Variants in ALG1 observed in about 807,000 individuals in gnomAD.
ALG1 encodes chitobiosyldiphosphodolichol beta-mannosyltransferase.
A neutral mutation model predicts 55.1 loss-of-function variants in ALG1; 58 were observed. That is an observed-to-expected ratio of 1.05 (90% CI 0.85 to 1.31). The LOEUF (loss-of-function observed/expected upper bound fraction) is 1.31. ALG1 is among the 50% of genes most tolerant of loss of function. The pLI is 0.00. For missense variants in ALG1, 761 were observed against 598.6 expected, an observed-to-expected ratio of 1.27 and a Z score of -2.83; for synonymous variants, 309 against 247.0, an observed-to-expected ratio of 1.25 and a Z score of -2.35.
At chr16:5,082,793 T>C in intron 11 of ALG1, 120 bp downstream of exon 11, 1 of 1,150,336 alleles carries the variant, frequency 8.7e-7, no homozygotes, top group Non-Finnish European at 1.3e-6. Flanking sequence ...CGGCACACAC[T>C]GGAGGCCATG....
chr16:5,087,017 A>G lies in ALG1; in HGVS notation c.*2136A>G, dbSNP rs945729857. On this transcript the variant is annotated 3_prime_UTR_variant, in exon 13 of 13. Transcript: ENST00000262374. ...TCACAGTTTTTTGTTACGAGTGGAA[A>G]ATGCGTATTTATAAGAATGAAGTAG... 4.6e-5 allele frequency: 7 copies of G among 152,160 alleles called. No individual in the cohort carries two copies. The highest frequency in any genetic ancestry group is 1.7e-4 in the African/African-American group (7 of 41,422). The allele number at this position is 152,160 out of a possible 1,614,324, so 9.4% of individuals were successfully genotyped here.
chr16:5,084,091 C>T (rs911155397), intron 12 of ALG1, among the ~76,000 whole-genome samples: 2 of 152,160 alleles, frequency 1.3e-5, no homozygotes, highest in African/African-American at 2.4e-5. Context: ...CTGGGACCAG[C>T]CTTGAAAGAT....
intron 3 of ALG1, 148 bp from the exon 4 acceptor site, chr16:5,075,240 G>T: frequency 2.3e-6 from 2 of 875,982 alleles, no homozygotes; most frequent in Non-Finnish European, 3.8e-6. Flanking sequence ...CATCTATTTT[G>T]GTGGTGGAGA....
At chr16:5,079,517 T>A (rs1956979448) in intron 8 of ALG1, among the ~76,000 whole-genome samples, 2 of 152,152 alleles carry the variant, frequency 1.3e-5, no homozygotes. Flanking sequence ...GGGCGAAACC[T>A]GTCTCTACTA....
At position 5,087,099 on chromosome 16, in the gene ALG1, T is replaced by G. The variant is rs188982737; in HGVS notation, c.*2218T>G. On this transcript the variant is annotated 3_prime_UTR_variant, in exon 13 of 13. Transcript: ENST00000262374. ...TCCTGCCATCCAAGGATGGCACCTG[T>G]TAATGTGTATATCAGGGATGTCCAA... is the stretch of plus-strand genomic sequence containing the variant. 2 of 152,324 alleles carry G rather than the reference T, an allele frequency of 1.3e-5. No homozygotes were observed. The highest frequency in any genetic ancestry group is 4.8e-5 in the African/African-American group (2 of 41,560). The allele number at this position is 152,324 out of a possible 1,614,324, so 9.4% of individuals were successfully genotyped here. A position where few individuals can be genotyped will look rare whatever the true frequency, so the allele number is the denominator to read the frequency against.
At chr16:5,079,580 T>C (rs1432182856) in intron 8 of ALG1, among the ~76,000 whole-genome samples, 168 bp from the exon 9 acceptor site, 2 of 151,996 alleles carry the variant, frequency 1.3e-5, no homozygotes, top group South Asian at 2.1e-4. Flanking sequence ...TCCCAGCTAC[T>C]TGGGAGGCTG....
At chr16:5,074,078 C>T (rs2160034) in intron 3 of ALG1, among the ~76,000 whole-genome samples, 142,672 of 151,824 alleles carry the variant, frequency 0.94, 67,421 homozygotes, top group East Asian at 1. Context: ...TCTTTCTTTT[C>T]TAGCTGAAGG....
intron 4 of ALG1, among the ~76,000 whole-genome samples, chr16:5,076,838 A>G (rs1041993045): frequency 3.8e-5 from 5 of 132,744 alleles, no homozygotes; most frequent in Non-Finnish European, 7.6e-5. Flanking sequence ...TCTATGTCCC[A>G]GACTGGAGTG....
chr16:5,073,688 A>G (rs1022946076), intron 3 of ALG1, among the ~76,000 whole-genome samples: 1 of 152,256 alleles, frequency 6.6e-6, no homozygotes, highest in Non-Finnish European at 1.5e-5. Flanking sequence ...TAGTATACAC[A>G]CGCACGCATA....
At chr16:5,080,415 C>G (rs1435774249) in intron 9 of ALG1, among the ~76,000 whole-genome samples, 4 of 152,120 alleles carry the variant, frequency 2.6e-5, no homozygotes, top group African/African-American at 9.7e-5. Context: ...CGGAAGAGCC[C>G]CTGTCCCACA....
chr16:5,074,467 G>A (rs1192500445), intron 3 of ALG1, among the ~76,000 whole-genome samples: 2 of 152,114 alleles, frequency 1.3e-5, no homozygotes, highest in African/African-American at 4.8e-5. Flanking sequence ...CTTTTAATAG[G>A]CAGCCTTGAA....
intron 4 of ALG1, among the ~76,000 whole-genome samples, chr16:5,076,252 C>G (rs138839778): frequency 6.6e-6 from 1 of 152,374 alleles, no homozygotes; most frequent in African/African-American, 2.4e-5. Flanking sequence ...CGTGTACTTC[C>G]GGCCTTGGGC....
In ALG1 at chr16:5,085,782, C is replaced by T. The variant is rs762304211; in HGVS notation, c.*901C>T. On this transcript the variant is annotated 3_prime_UTR_variant, in exon 13 of 13. Transcript: ENST00000262374. Reference sequence around the variant, plus strand: ...AGGATGGCGGTGTTTGGGGACAGGACATGAGGGTATTGTGTGGGGCTGCTA... The same window carrying T: ...AGGATGGCGGTGTTTGGGGACAGGATATGAGGGTATTGTGTGGGGCTGCTA... 12 of 1,403,066 alleles carry T rather than the reference C, an allele frequency of 8.6e-6. No individual in the cohort carries two copies. Among genetic ancestry groups the T allele is most frequent in the East Asian group, 2.3e-5 (1 of 43,862 alleles). 86.9% of individuals were successfully genotyped at this position (1,403,066 alleles called of 1,614,324 possible). A position where few individuals can be genotyped will look rare whatever the true frequency, so the allele number is the denominator to read the frequency against.
In ALG1 at chr16:5,086,229, G is replaced by A. The variant is rs558941209; in HGVS notation, c.*1348G>A. 6.6e-6 allele frequency among the ~76,000 whole-genome samples: 1 copy of A among 152,014 alleles called. No individual in the cohort carries two copies. The highest frequency in any genetic ancestry group is 2.0e-4 in the East Asian group (1 of 5,096). On this transcript the variant is annotated 3_prime_UTR_variant, in exon 13 of 13. Coordinates refer to ENST00000262374, the MANE Select transcript of ALG1 (RefSeq NM_019109.5). ...GAGTGCCTGTAATCCCAGCTACTTG[G>A]GAGGCTGAGGTGGGAGAATTGCTTG... is the stretch of plus-strand genomic sequence containing the variant.
At chr16:5,083,224 C>A (rs937829557) in intron 11 of ALG1, among the ~76,000 whole-genome samples, 2 of 152,126 alleles carry the variant, frequency 1.3e-5, no homozygotes, top group African/African-American at 2.4e-5. Context: ...CCCTTGGCCC[C>A]TGCTCAGGAG....
At chr16:5,076,792 CTTTTTTTTT>C in intron 4 of ALG1, among the ~76,000 whole-genome samples, 1 of 108,854 alleles carries the variant, frequency 9.2e-6, no homozygotes, top group Non-Finnish European at 1.9e-5. Context: ...GTATTTCTTC[CTTTTTTTTT>C]TTTTTTTTTT....
At chr16:5,078,342 C>T in intron 6 of ALG1, 1 of 600,478 alleles carries the variant, frequency 1.7e-6, no homozygotes, top group Non-Finnish European at 3.1e-6. Flanking sequence ...CTGCCAGTGG[C>T]TTCCCAGGCC....
Position 5,073,244 on chromosome 16 carries a change from T to C in ALG1, c.378T>C (p.Tyr126=). 6.2e-7 allele frequency: 1 copy of C among 1,614,130 alleles called. No individual in the cohort carries two copies. The highest frequency in any genetic ancestry group is 2.2e-5 in the East Asian group (1 of 44,890). The change falls in exon 3 of 13, where the codon TAT becomes TAC. Residue 126 remains tyrosine (Y), a synonymous_variant. Transcript: ENST00000262374. ...TGATGTGGAGGGAGCCAGGTGCCTA[T>C]ATCTTTCTCCAGGTGTGTATCAGCC... The part of the protein sequence containing the change: ...WKLMWREPGA[Y]IFLQNPPGLP...
At chr16:5,078,720 C>T (rs755924342) in intron 6 of ALG1, 37 bp from the exon 7 acceptor site, 1 of 1,612,116 alleles carries the variant, frequency 6.2e-7, no homozygotes, top group African/African-American at 1.3e-5. Flanking sequence ...CGGGCCTGCT[C>T]TATGGCCTCT....
Sources: gnomAD v4.1 joint callset for allele counts (sites outside exome capture counted in the v4.1 genomes callset) on GRCh38, gnomAD v4.1.1 for gene constraint, MANE v1.5 for transcripts, NCBI Gene and HGNC (gene_info 2026-07-23, HGNC 2026-07-21) for gene names.